Variants in ADGRL3 observed in about 807,000 individuals in gnomAD.
ADGRL3 encodes adhesion G protein-coupled receptor L3.
A neutral mutation model predicts 153.5 loss-of-function variants in ADGRL3; 62 were observed. That is an observed-to-expected ratio of 0.40 (90% CI 0.33 to 0.50). ADGRL3 has a LOEUF of 0.50. ADGRL3 is among the 20% of genes least tolerant of loss of function. The probability of loss-of-function intolerance (pLI) is 0.47; values close to 1 mark genes in which losing one functional copy is unlikely to be tolerated. For synonymous variants in ADGRL3, 710 were observed against 672.5 expected (o/e 1.06, Z -0.86); for missense variants, 1,641 against 1,859.4 (o/e 0.88, Z 2.16).
At chr4:61,765,327 A>G (rs1341231902) in intron 8 of ADGRL3, among the ~76,000 whole-genome samples, 3 of 152,272 alleles carry the variant, frequency 2.0e-5, no homozygotes, top group East Asian at 3.9e-4. Flanking sequence ...CCTAATAAAA[A>G]GGAGCGTCTA....
At chr4:61,428,142 G>C (rs1338183494) in intron 2 of ADGRL3, 1 of 152,732 alleles carries the variant, frequency 6.5e-6, no homozygotes. Context: ...GGTCCAAGGG[G>C]AGTGGGTGAA....
At chr4:61,558,500 C>T (rs1040788925) in intron 4 of ADGRL3, among the ~76,000 whole-genome samples, 5 of 151,850 alleles carry the variant, frequency 3.3e-5, no homozygotes, top group Admixed American at 2.0e-4. Flanking sequence ...AGATCTCTTT[C>T]TCTTTTTAGA....
intron 9 of ADGRL3, among the ~76,000 whole-genome samples, chr4:61,827,532 A>T (rs1043534491): frequency 6.6e-6 from 1 of 152,194 alleles, no homozygotes; most frequent in African/African-American, 2.4e-5. Flanking sequence ...CATTAATGCA[A>T]TTAGTTTGCA....
At chr4:62,044,893 A>G (rs184883855) in intron 25 of ADGRL3, among the ~76,000 whole-genome samples, 1 of 152,090 alleles carries the variant, frequency 6.6e-6, no homozygotes, top group Non-Finnish European at 1.5e-5. Flanking sequence ...ATAGAGTTCC[A>G]CATTGTCTTA....
At chr4:61,999,237 T>G (rs906870670) in intron 21 of ADGRL3, among the ~76,000 whole-genome samples, 2 of 152,230 alleles carry the variant, frequency 1.3e-5, no homozygotes, top group African/African-American at 4.8e-5. Context: ...GTTTGAAAGT[T>G]TGTTCTTTAA....
intron 5 of ADGRL3, among the ~76,000 whole-genome samples, chr4:61,660,252 C>G (rs1052904738): frequency 7.2e-5 from 11 of 152,060 alleles, no homozygotes; most frequent in Admixed American, 2.0e-4. Flanking sequence ...TTTCCCACAC[C>G]ATGTTAACTT....
At chr4:61,642,445 A>G (rs1171344050) in intron 5 of ADGRL3, among the ~76,000 whole-genome samples, 2 of 152,164 alleles carry the variant, frequency 1.3e-5, no homozygotes, top group African/African-American at 2.4e-5. Flanking sequence ...TCTTTAATCC[A>G]TCTTGAATTG....
chr4:61,541,686 C>G (rs1330417582), intron 4 of ADGRL3, among the ~76,000 whole-genome samples: 4 of 152,054 alleles, frequency 2.6e-5, no homozygotes, highest in Admixed American at 6.5e-5. Flanking sequence ...AGAGGCAGCT[C>G]TCTGCTAAAA....
At chr4:61,686,397 C>T (rs2095444037) in intron 6 of ADGRL3, among the ~76,000 whole-genome samples, 1 of 152,052 alleles carries the variant, frequency 6.6e-6, no homozygotes. Context: ...TACAAATTAG[C>T]ATTGTTGATT....
intron 18 of ADGRL3, among the ~76,000 whole-genome samples, chr4:61,980,511 C>T (rs780054366): frequency 6.6e-6 from 1 of 151,704 alleles, no homozygotes; most frequent in Non-Finnish European, 1.5e-5. Context: ...ATGATCCTGG[C>T]CCACTGCAAT....
At chr4:61,837,771 A>G (rs1377013487) in intron 9 of ADGRL3, among the ~76,000 whole-genome samples, 2 of 152,158 alleles carry the variant, frequency 1.3e-5, no homozygotes, top group African/African-American at 4.8e-5. Context: ...GCCCCTCACT[A>G]TCATCTCTTA....
chr4:61,745,868 TTAAATG>T (rs2096651817), intron 8 of ADGRL3, among the ~76,000 whole-genome samples: 1 of 152,058 alleles, frequency 6.6e-6, no homozygotes. Context: ...AATATTAACT[TTAAATG>T]TAAATGGACT....
chr4:61,531,369 T>G (rs1015259746), intron 4 of ADGRL3, among the ~76,000 whole-genome samples: 2 of 152,166 alleles, frequency 1.3e-5, no homozygotes, highest in Admixed American at 1.3e-4. Context: ...TTCTGGGCTT[T>G]GTAGAAGCTG....
At chr4:61,704,253 G>A (rs1436460902) in intron 6 of ADGRL3, among the ~76,000 whole-genome samples, 1 of 152,128 alleles carries the variant, frequency 6.6e-6, no homozygotes, top group Non-Finnish European at 1.5e-5. Context: ...GTGCCCTTCT[G>A]TGAGTACAGG....
intron 2 of ADGRL3, among the ~76,000 whole-genome samples, chr4:61,470,313 T>C (rs892266321): frequency 3.2e-4 from 49 of 151,918 alleles, no homozygotes; most frequent in African/African-American, 1.2e-3. Context: ...AGGTAATATT[T>C]TGTATTTAGC....
chr4:62,019,550 T>A (rs1435345482), intron 21 of ADGRL3, among the ~76,000 whole-genome samples: 2 of 152,148 alleles, frequency 1.3e-5, no homozygotes, highest in Non-Finnish European at 2.9e-5. Flanking sequence ...TATTTCTTAA[T>A]GTTTTTCTCA....
intron 4 of ADGRL3, among the ~76,000 whole-genome samples, chr4:61,577,750 T>C (rs1338448964): frequency 6.6e-6 from 1 of 151,446 alleles, no homozygotes; most frequent in Non-Finnish European, 1.5e-5. Context: ...GAGTTCGAGG[T>C]TGTAGTGACA....
At chr4:61,888,196 A>C (rs1409659491) in intron 9 of ADGRL3, among the ~76,000 whole-genome samples, 1 of 152,240 alleles carries the variant, frequency 6.6e-6, no homozygotes, top group Non-Finnish European at 1.5e-5. Flanking sequence ...TGATATAAGG[A>C]AAATTGCAAA....
Position 61,337,996 on chromosome 4 carries a change from C to T in ADGRL3, c.-239-45128C>T, listed in dbSNP as rs187999477. 7.9e-5 allele frequency among the ~76,000 whole-genome samples: 12 copies of T among 152,236 alleles called. No individual in the cohort carries two copies. The East Asian group carries it at 2.1e-3, about 27-fold the overall frequency. On this transcript the variant is annotated intron_variant, in intron 1 of 26. Transcript: ENST00000683033. ...TGCCATGACAGGCCGGGCACGGTGG[C>T]TCACACCTGTAATCCCCCAGCACTT...
Sources: gnomAD v4.1 joint callset for allele counts (sites outside exome capture counted in the v4.1 genomes callset) on GRCh38, gnomAD v4.1.1 for gene constraint, MANE v1.5 for transcripts, NCBI Gene and HGNC (gene_info 2026-07-23, HGNC 2026-07-21) for gene names.